The following KSR2 variants were observed in gnomAD, a reference collection of about 807,000 sequenced individuals.
The protein encoded by KSR2 is kinase suppressor of ras 2.
In KSR2, 25 loss-of-function variants were observed where a neutral mutation model predicts 107.8. That is an observed-to-expected ratio of 0.23 (90% CI 0.17 to 0.32). The LOEUF (loss-of-function observed/expected upper bound fraction) is 0.32, where lower values mean the gene tolerates loss of function less well. Among genes scored for constraint, KSR2 ranks in the 10% least tolerant of loss-of-function variants. The pLI is 1.00. For missense variants in KSR2, 887 were observed against 1,268.9 expected (o/e 0.70, Z 4.57); for synonymous variants, 480 against 507.0 (o/e 0.95, Z 0.71).
At position 117,968,494 on chromosome 12, in the gene KSR2, C is replaced by T; in HGVS notation, c.-239G>A. 1 of 1,281,222 alleles carries T rather than the reference C, an allele frequency of 7.8e-7. No individual in the cohort carries two copies. Among genetic ancestry groups the T allele is most frequent in the Non-Finnish European group, 9.8e-7 (1 of 1,020,166 alleles). 79.4% of individuals were successfully genotyped at this position (1,281,222 alleles called of 1,614,324 possible). ...AGCGGACTCCATTAGAATGTCTCCT[C>T]TCTCTCTGAGTCTCTGGTCCCTGAA... On this transcript the variant is annotated 5_prime_UTR_variant, in exon 1 of 20. Transcript: ENST00000339824.
chr12:117,632,431 T>C lies in KSR2; in HGVS notation c.1171+35043A>G, dbSNP rs564393521. ...TTAGTAGAGACGGGGTTTCACTTTG[T>C]TGGCCAGGCTGGTCTCAAACTCCTG... On this transcript the variant is annotated intron_variant, in intron 5 of 19. Coordinates refer to ENST00000339824, the MANE Select transcript of KSR2 (RefSeq NM_173598.6). Among the ~76,000 whole-genome samples the C allele has an allele frequency of 3.3e-5, 5 of 152,062 alleles. No homozygotes were observed. The East Asian group carries it at 9.7e-4, about 29-fold the overall frequency.
intron 3 of KSR2, among the ~76,000 whole-genome samples, chr12:117,770,374 C>T (rs1407573229): frequency 6.6e-6 from 1 of 152,098 alleles, no homozygotes; most frequent in Admixed American, 6.5e-5. Context: ...GCCAGCCACC[C>T]GCTGAAGCCG....
At chr12:117,736,812 CAAA>C (rs759133206) in intron 4 of KSR2, among the ~76,000 whole-genome samples, 2 of 80,228 alleles carry the variant, frequency 2.5e-5, no homozygotes. Flanking sequence ...GACCCTGTCT[CAAA>C]AAAAAAAAAA....
At chr12:117,639,658 A>ATTAT (rs139711049) in intron 5 of KSR2, among the ~76,000 whole-genome samples, 8,931 of 102,790 alleles carry the variant, frequency 0.087, 322 homozygotes, top group Admixed American at 0.13. Context: ...TATTATTATT[A>ATTAT]TATTATTTTA....
chr12:117,795,943 G>C (rs1890610117), intron 3 of KSR2, among the ~76,000 whole-genome samples: 1 of 152,094 alleles, frequency 6.6e-6, no homozygotes, highest in Non-Finnish European at 1.5e-5. Flanking sequence ...TTGTTGTTTT[G>C]AGACAGGGTC....
intron 5 of KSR2, among the ~76,000 whole-genome samples, chr12:117,589,139 G>C (rs1038296806): frequency 7.9e-5 from 12 of 152,188 alleles, no homozygotes; most frequent in African/African-American, 2.9e-4. Context: ...CCCCTTCTGA[G>C]ATAAATGTAA....
rs1294297856 is a variant in KSR2 at position 117,535,225 on chromosome 12, T to G, written c.1688-3518A>C. Among the ~76,000 whole-genome samples the G allele has an allele frequency of 3.3e-5, 5 of 152,306 alleles. 1 individual carries two copies. The South Asian group carries it at 1.0e-3, about 32-fold the overall frequency. ...AGAAGAAAATTTGAAGAGAAAAAAC[T>G]GCAGCCCTGGGCAGTGCATGAAATT... On this transcript the variant is annotated intron_variant, in intron 10 of 19. Coordinates refer to ENST00000339824, the MANE Select transcript of KSR2 (RefSeq NM_173598.6).
intron 4 of KSR2, among the ~76,000 whole-genome samples, chr12:117,678,398 T>A (rs1037579178): frequency 6.6e-6 from 1 of 150,908 alleles, no homozygotes; most frequent in African/African-American, 2.4e-5. Context: ...CGCAGACATC[T>A]TCATGTACTA....
intron 1 of KSR2, among the ~76,000 whole-genome samples, chr12:117,895,531 C>T (rs1489730192): frequency 6.6e-6 from 1 of 152,084 alleles, no homozygotes; most frequent in Non-Finnish European, 1.5e-5. Flanking sequence ...ACTTCATACC[C>T]ATTAGGATTT....
At chr12:117,479,159 A>G (rs1871991277) in intron 16 of KSR2, among the ~76,000 whole-genome samples, 2 of 152,314 alleles carry the variant, frequency 1.3e-5, no homozygotes, top group South Asian at 2.1e-4. Flanking sequence ...CATCTCACAC[A>G]TGAAGGTAGC....
chr12:117,812,955 T>C lies in KSR2; in HGVS notation c.472+42473A>G, dbSNP rs536878001. 3.3e-5 allele frequency among the ~76,000 whole-genome samples: 5 copies of C among 151,502 alleles called. No homozygotes were observed. The South Asian group carries it at 1.0e-3, about 32-fold the overall frequency. On this transcript the variant is annotated intron_variant, in intron 3 of 19. Coordinates refer to ENST00000339824, the MANE Select transcript of KSR2 (RefSeq NM_173598.6). ...AACTACAATAACCTAAACAGCATTG[T>C]ACAGGCATACAAACAGACATCAGAC...
chr12:117,604,420 G>A (rs922992513), intron 5 of KSR2, among the ~76,000 whole-genome samples: 2 of 152,212 alleles, frequency 1.3e-5, no homozygotes, highest in African/African-American at 4.8e-5. Context: ...CATAAGAATT[G>A]AATTAGGAGT....
At chr12:117,529,265 G>A (rs1875439218) in intron 12 of KSR2, among the ~76,000 whole-genome samples, 1 of 152,194 alleles carries the variant, frequency 6.6e-6, no homozygotes. Context: ...TGCCCAGGCT[G>A]GGGTGCAGTG....
At chr12:117,519,125 G>A (rs891914503) in intron 14 of KSR2, among the ~76,000 whole-genome samples, 3 of 152,232 alleles carry the variant, frequency 2.0e-5, no homozygotes, top group African/African-American at 4.8e-5. Context: ...TGGAAGGCGC[G>A]TTAGTGGAAT....
At chr12:117,793,980 G>A (rs182461303) in intron 3 of KSR2, among the ~76,000 whole-genome samples, 19,668 of 74,636 alleles carry the variant, frequency 0.26, 3,033 homozygotes, top group East Asian at 0.55. Flanking sequence ...CACACACCAT[G>A]CACACATACA....
At chr12:117,946,678 C>T (rs1489412667) in intron 1 of KSR2, among the ~76,000 whole-genome samples, 1 of 151,986 alleles carries the variant, frequency 6.6e-6, no homozygotes, top group Non-Finnish European at 1.5e-5. Flanking sequence ...AAAGGAAAAC[C>T]ACAGATCAAT....
At chr12:117,478,469 C>G (rs1269519354) in intron 16 of KSR2, among the ~76,000 whole-genome samples, 1 of 151,550 alleles carries the variant, frequency 6.6e-6, no homozygotes, top group Non-Finnish European at 1.5e-5. Context: ...GACAGTCTGT[C>G]TATCACCCAG....
intron 17 of KSR2, 128 bp downstream of exon 17, chr12:117,476,336 C>T (rs1223429568): frequency 8.4e-6 from 10 of 1,186,908 alleles, no homozygotes; most frequent in South Asian, 3.8e-5. Flanking sequence ...TCCATTCTCA[C>T]CCAAAAATCC....
At chr12:117,591,732 A>T (rs921746686) in intron 5 of KSR2, among the ~76,000 whole-genome samples, 1 of 151,410 alleles carries the variant, frequency 6.6e-6, no homozygotes, top group East Asian at 1.9e-4. Flanking sequence ...AAAATGATGC[A>T]GTGGCTCACG....
Sources: gnomAD v4.1 joint callset for allele counts (sites outside exome capture counted in the v4.1 genomes callset) on GRCh38, gnomAD v4.1.1 for gene constraint, MANE v1.5 for transcripts, NCBI Gene and HGNC (gene_info 2026-07-23, HGNC 2026-07-21) for gene names.